LRRC25: variants seen among roughly 807,000 people sequenced by gnomAD.
The protein encoded by LRRC25 is leucine rich repeat containing 25, also known as leucine-rich repeat-containing protein 25.
LRRC25 carries 5 observed loss-of-function variants against 18.8 expected under a neutral mutation model. That is an observed-to-expected ratio of 0.27 (90% CI 0.14 to 0.56). The LOEUF is 0.56. Among genes scored for constraint, LRRC25 ranks in the 20% least tolerant of loss-of-function variants. LRRC25 has a pLI of 0.93. For synonymous variants in LRRC25, 161 were observed against 176.8 expected, an observed-to-expected ratio of 0.91 and a Z score of 0.71; for missense variants, 341 against 389.8, an observed-to-expected ratio of 0.87 and a Z score of 1.05.
intron 1 of LRRC25, among the ~76,000 whole-genome samples, chr19:18,394,011 T>G (rs558514071): frequency 6.6e-6 from 1 of 152,320 alleles, no homozygotes; most frequent in South Asian, 2.1e-4. Flanking sequence ...CATGTTGACA[T>G]CTGCTTTGCA....
In LRRC25 at chr19:18,391,767, T is replaced by G; in HGVS notation, c.*220A>C. 2.4e-5 allele frequency: 12 copies of G among 497,076 alleles called. No individual in the cohort carries two copies. Among genetic ancestry groups the G allele is most frequent in the East Asian group, 3.5e-5 (1 of 28,898 alleles). The allele number at this position is 497,076 out of a possible 1,614,324, so 30.8% of individuals were successfully genotyped here. On this transcript the variant is annotated 3_prime_UTR_variant, in exon 2 of 2. Transcript: ENST00000339007. ...TGGCACAGTGACCGTCCTGTCCCCTTGTTGGGGGTCTCTCCTCTTCCCCCT... is the reference window on the plus strand; with the variant it reads ...TGGCACAGTGACCGTCCTGTCCCCTGGTTGGGGGTCTCTCCTCTTCCCCCT...
intron 1 of LRRC25, among the ~76,000 whole-genome samples, chr19:18,392,819 A>G (rs895614114): frequency 2.0e-5 from 3 of 152,074 alleles, no homozygotes; most frequent in Admixed American, 2.0e-4. Context: ...GTGAGACCCC[A>G]TCTCTACAAA....
At chr19:18,394,278 C>G (rs529927247) in intron 1 of LRRC25, among the ~76,000 whole-genome samples, 1 of 151,148 alleles carries the variant, frequency 6.6e-6, no homozygotes, top group Non-Finnish European at 1.5e-5. Flanking sequence ...CCTAGAAAAG[C>G]TTTTCTTTTC....
intron 1 of LRRC25, among the ~76,000 whole-genome samples, chr19:18,393,063 G>A (rs1971922019): frequency 6.6e-6 from 1 of 152,104 alleles, no homozygotes; most frequent in African/African-American, 2.4e-5. Context: ...TTGAAAAATC[G>A]GAAGCTCTGG....
Position 18,391,884 on chromosome 19 carries a change from C to T in LRRC25, c.*103G>A. On this transcript the variant is annotated 3_prime_UTR_variant, in exon 2 of 2. Transcript: ENST00000339007. ...CTCAAGGACAATCCTTTCCTGTACC[C>T]ATTCTTCAGATGGGGAAACTGAGGC... The T allele has an allele frequency of 7.2e-7, 1 of 1,396,126 alleles. No individual in the cohort carries two copies. The highest frequency in any genetic ancestry group is 2.5e-4 in the Middle Eastern group (1 of 4,044). 86.5% of individuals were successfully genotyped at this position (1,396,126 alleles called of 1,614,324 possible).
In LRRC25 at chr19:18,397,318, C is replaced by T. The variant is rs537543776; in HGVS notation, c.-355G>A. ...TGGAAACGGCCCCGCCCCCTGATCA[C>T]GCTCCCGGTATCTCCCAGAACGGCG... On this transcript the variant is annotated 5_prime_UTR_variant, in exon 1 of 2. The change creates a new upstream start codon in the 5' untranslated region. Transcript: ENST00000339007. 4.3e-5 allele frequency: 12 copies of T among 282,258 alleles called. No individual in the cohort carries two copies. In the South Asian group the frequency reaches 6.8e-4, roughly 16 times the overall value. The allele number at this position is 282,258 out of a possible 1,614,324, so 17.5% of individuals were successfully genotyped here. A position where few individuals can be genotyped will look rare whatever the true frequency, so the allele number is the denominator to read the frequency against.
At chr19:18,394,293 T>C (rs1411363326) in intron 1 of LRRC25, among the ~76,000 whole-genome samples, 1 of 140,804 alleles carries the variant, frequency 7.1e-6, no homozygotes, top group African/African-American at 2.9e-5. Context: ...CTTTTCTTTT[T>C]TTCTTTCTTT....
chr19:18,395,651 T>C (rs1016513247), intron 1 of LRRC25, among the ~76,000 whole-genome samples: 15 of 152,202 alleles, frequency 9.9e-5, no homozygotes, highest in African/African-American at 3.6e-4. Context: ...GTCCCATATA[T>C]GGGAACTCAC....
At position 18,391,946 on chromosome 19, in the gene LRRC25, G is replaced by A; in HGVS notation, c.*41C>T. The A allele has an allele frequency of 6.3e-7, 1 of 1,598,388 alleles. No homozygotes were observed. The highest frequency in any genetic ancestry group is 8.6e-7 in the Non-Finnish European group (1 of 1,169,544). ...TAGGACGCCCTGAGTCACCCAGCAG[G>A]GACTGAAGGGGTTCTGGGTGGAGGT... is the stretch of plus-strand genomic sequence containing the variant. On this transcript the variant is annotated 3_prime_UTR_variant, in exon 2 of 2. Coordinates refer to ENST00000339007, the MANE Select transcript of LRRC25 (RefSeq NM_145256.3).
chr19:18,394,810 G>A (rs1485022150), intron 1 of LRRC25, among the ~76,000 whole-genome samples: 1 of 152,186 alleles, frequency 6.6e-6, no homozygotes, highest in Non-Finnish European at 1.5e-5. Flanking sequence ...GGTGGCGGTG[G>A]CTCACACCCA....
rs921423421 is a variant in LRRC25, at chr19:18,397,253, G to A, written c.-290C>T. 3 of 448,422 alleles carry A rather than the reference G, an allele frequency of 6.7e-6. No individual in the cohort carries two copies. In the Admixed American group the frequency reaches 1.1e-4, roughly 16 times the overall value. The allele number at this position is 448,422 out of a possible 1,614,324, so 27.8% of individuals were successfully genotyped here. A position where few individuals can be genotyped will look rare whatever the true frequency, so the allele number is the denominator to read the frequency against. ...TGTCCTGAACATTTGGGGCGCCCTCGTTGGCCAGGACGGGACCCTATGCAA... is the reference window on the plus strand; with the variant it reads ...TGTCCTGAACATTTGGGGCGCCCTCATTGGCCAGGACGGGACCCTATGCAA... On this transcript the variant is annotated 5_prime_UTR_variant, in exon 1 of 2. The change creates a new upstream start codon in the 5' untranslated region. Coordinates refer to ENST00000339007, the MANE Select transcript of LRRC25 (RefSeq NM_145256.3).
chr19:18,394,546 C>T (rs1319056744), intron 1 of LRRC25, among the ~76,000 whole-genome samples: 1 of 152,116 alleles, frequency 6.6e-6, no homozygotes, highest in African/African-American at 2.4e-5. Context: ...ACCTCGTGAT[C>T]CTCCTGCCTT....
chr19:18,392,655 C>T (rs969393709), intron 1 of LRRC25, among the ~76,000 whole-genome samples: 4 of 152,186 alleles, frequency 2.6e-5, no homozygotes, highest in East Asian at 3.9e-4. Context: ...GTGGGTGTAA[C>T]GCTGCGGTCT....
chr19:18,396,774 T>TCACGTTGCTGGC lies in LRRC25; in HGVS notation c.178_189dup (p.Ala60_Val63dup). ...CCGTTCCCAGACAGGTCAAGGAGAATCACGTTGCTGGCCCGCAGAGACTGG... is the reference window on the plus strand; with the variant it reads ...CCGTTCCCAGACAGGTCAAGGAGAATCACGTTGCTGGCCACGTTGCTGGCCCGCAGAGACTGG... On this transcript the variant is annotated inframe_insertion, in exon 1 of 2. Transcript: ENST00000339007. 1.2e-6 allele frequency: 2 copies of TCACGTTGCTGGC among 1,614,022 alleles called. No homozygotes were observed. The highest frequency in any genetic ancestry group is 2.2e-5 in the South Asian group (2 of 91,072).
Position 18,397,221 on chromosome 19 carries a change from T to A in LRRC25, c.-258A>T. The A allele has an allele frequency of 1.8e-6, 1 of 549,918 alleles. No homozygotes were observed. The highest frequency in any genetic ancestry group is 3.1e-5 in the Admixed American group (1 of 32,220). 34.1% of individuals were successfully genotyped at this position (549,918 alleles called of 1,614,324 possible). ...AGGAGATCCGGGCCAGTTAACCCCT[T>A]CTTCTATGTCCTGAACATTTGGGGC... On this transcript the variant is annotated 5_prime_UTR_variant, in exon 1 of 2. Coordinates refer to ENST00000339007, the MANE Select transcript of LRRC25 (RefSeq NM_145256.3).
intron 1 of LRRC25, among the ~76,000 whole-genome samples, chr19:18,395,302 C>T (rs886471748): frequency 3.4e-5 from 5 of 147,654 alleles, no homozygotes; most frequent in African/African-American, 1.3e-4. Context: ...ACCCGGGAGG[C>T]GGAGCTGGCA....
At chr19:18,392,403 A>G (rs767291386) in intron 1 of LRRC25, among the ~76,000 whole-genome samples, 6 of 151,954 alleles carry the variant, frequency 3.9e-5, no homozygotes, top group East Asian at 1.9e-4. Context: ...GAGGCAGGAG[A>G]ATCACTTGAA....
At position 18,396,211 on chromosome 19, in the gene LRRC25, T is replaced by C; in HGVS notation, c.753A>G (p.Ala251=). 1 of 1,605,230 alleles carries C rather than the reference T, an allele frequency of 6.2e-7. No homozygotes were observed. The highest frequency in any genetic ancestry group is 1.7e-4 in the Middle Eastern group (1 of 6,012). The part of the protein sequence containing the change: ...DYENMFVGQP[A]AEHQWDEQGA... The stretch of plus-strand genomic sequence containing the variant: ...CTTGTTCATCCCACTGGTGCTCGGC[T>C]GCTGGCTGGCCCACAAACATGTTCT... The change falls in exon 1 of 2, where the codon GCA becomes GCG. Residue 251 remains alanine (A), a synonymous_variant. Coordinates refer to ENST00000339007, the MANE Select transcript of LRRC25 (RefSeq NM_145256.3).
rs186091095 is a variant in LRRC25 at position 18,392,177 on chromosome 19, G to C, written c.780-52C>G. ...AGTGTGGGAGGGGGAGGACTCAGGG[G>C]ACAGGCACATGAGCTTTGAGAAAGT... On this transcript the variant is annotated intron_variant, in intron 1 of 1. Transcript: ENST00000339007. The C allele has an allele frequency of 2.6e-5, 41 of 1,587,450 alleles. No homozygotes were observed. The African/African-American group carries it at 4.3e-4, about 17-fold the overall frequency.
Sources: gnomAD v4.1 joint callset for allele counts (sites outside exome capture counted in the v4.1 genomes callset) on GRCh38, gnomAD v4.1.1 for gene constraint, MANE v1.5 for transcripts, NCBI Gene and HGNC (gene_info 2026-07-23, HGNC 2026-07-21) for gene names.